Variants in LSAMP observed in about 807,000 individuals in gnomAD.
LSAMP encodes the protein limbic system associated membrane protein, also known as limbic system-associated membrane protein.
In LSAMP, 7 loss-of-function variants were observed where a neutral mutation model predicts 38.6. The observed-to-expected ratio is 0.18, with a 90% confidence interval of 0.10 to 0.34. The LOEUF (loss-of-function observed/expected upper bound fraction) is 0.34. Ranked by LOEUF, LSAMP falls within the 10% of genes least tolerant of loss-of-function variation. LSAMP has a pLI of 1.00. For synonymous variants in LSAMP, 154 were observed against 166.8 expected, an observed-to-expected ratio of 0.92 and a Z score of 0.59; for missense variants, 313 against 420.0, an observed-to-expected ratio of 0.75 and a Z score of 2.23.
At chr3:116,033,604 G>A (rs1241958671) in intron 2 of LSAMP, among the ~76,000 whole-genome samples, 1 of 152,062 alleles carries the variant, frequency 6.6e-6, no homozygotes, top group African/African-American at 2.4e-5. Context: ...CAGTCTCTCC[G>A]TAACATGCTG....
At chr3:116,420,635 C>T (rs996910787) in intron 1 of LSAMP, among the ~76,000 whole-genome samples, 10 of 151,428 alleles carry the variant, frequency 6.6e-5, no homozygotes, top group African/African-American at 9.7e-5. Context: ...GGGAGGGAGG[C>T]CAAGGTGGGC....
intron 1 of LSAMP, among the ~76,000 whole-genome samples, chr3:116,149,380 TC>T (rs1344325674): frequency 6.6e-6 from 1 of 151,958 alleles, no homozygotes; most frequent in Non-Finnish European, 1.5e-5. Context: ...AAGCATTTGT[TC>T]CTGACCATTA....
At chr3:115,877,078 G>T (rs1484872547) in intron 3 of LSAMP, among the ~76,000 whole-genome samples, 1 of 152,146 alleles carries the variant, frequency 6.6e-6, no homozygotes, top group Non-Finnish European at 1.5e-5. Flanking sequence ...AAAATCAACA[G>T]TTGCTTGCTC....
intron 3 of LSAMP, among the ~76,000 whole-genome samples, chr3:115,869,301 A>AGAGAGAGAGAGACT (rs1410947626): frequency 2.0e-5 from 3 of 151,452 alleles, no homozygotes; most frequent in African/African-American, 7.3e-5. Flanking sequence ...AGAGAGAGAG[A>AGAGAGAGAGAGACT]GACTGACTGA....
At chr3:115,921,950 A>G (rs1026157223) in intron 3 of LSAMP, among the ~76,000 whole-genome samples, 3 of 152,150 alleles carry the variant, frequency 2.0e-5, no homozygotes, top group East Asian at 3.8e-4. Context: ...TGTATGTGAT[A>G]TATTGCATTT....
intron 1 of LSAMP, among the ~76,000 whole-genome samples, chr3:116,413,948 C>G (rs1576205471): frequency 6.6e-6 from 1 of 150,846 alleles, no homozygotes; most frequent in Non-Finnish European, 1.5e-5. Flanking sequence ...TTTTTGCAAT[C>G]AGTCCTTTTT....
At chr3:115,873,284 A>G (rs1370208677) in intron 3 of LSAMP, among the ~76,000 whole-genome samples, 1 of 151,800 alleles carries the variant, frequency 6.6e-6, no homozygotes, top group Non-Finnish European at 1.5e-5. Flanking sequence ...TTGGGAGGTT[A>G]AGGCAGGGGA....
chr3:116,409,898 C>T (rs889023441), intron 1 of LSAMP, among the ~76,000 whole-genome samples: 100 of 152,022 alleles, frequency 6.6e-4, no homozygotes, highest in African/African-American at 2.4e-3. Flanking sequence ...ATTATTGGCA[C>T]GTTTAGAGCC....
intron 2 of LSAMP, among the ~76,000 whole-genome samples, chr3:116,051,924 T>A (rs1941403916): frequency 6.6e-6 from 1 of 152,212 alleles, no homozygotes; most frequent in African/African-American, 2.4e-5. Context: ...CACCACCAAC[T>A]GCTTCAGAAC....
At position 115,833,359 on chromosome 3, in the gene LSAMP, G is replaced by GTTTT. The variant is rs59072688; in HGVS notation, c.919+8482_919+8485dup. Among the ~76,000 whole-genome samples, 156 of 128,086 alleles carry GTTTT rather than the reference G, an allele frequency of 1.2e-3. 1 individual carries two copies. The highest frequency in any genetic ancestry group is 3.9e-3 in the African/African-American group (137 of 35,084). 84.0% of individuals were successfully genotyped at this position (128,086 alleles called of 152,430 possible). On this transcript the variant is annotated intron_variant, in intron 6 of 6. Coordinates refer to ENST00000490035, the MANE Select transcript of LSAMP (RefSeq NM_002338.5). ...AAACAGATTTCATTGTTTTAGGGAAGTTTTTTTTTTTTTTTTTTGCTATTC... is the reference window on the plus strand; with the variant it reads ...AAACAGATTTCATTGTTTTAGGGAAGTTTTTTTTTTTTTTTTTTTTTTGCTATTC...
intron 1 of LSAMP, among the ~76,000 whole-genome samples, chr3:116,233,592 C>A (rs931880801): frequency 2.0e-5 from 3 of 151,966 alleles, no homozygotes; most frequent in Non-Finnish European, 4.4e-5. Flanking sequence ...TATTTCTGCA[C>A]CTATTAACCA....
At chr3:116,347,649 G>A (rs955889147) in intron 1 of LSAMP, among the ~76,000 whole-genome samples, 5 of 152,034 alleles carry the variant, frequency 3.3e-5, no homozygotes, top group African/African-American at 1.2e-4. Flanking sequence ...AGAAATTGTA[G>A]GTAACGTGAC....
intron 1 of LSAMP, among the ~76,000 whole-genome samples, chr3:116,277,724 C>A (rs946619800): frequency 6.6e-6 from 1 of 152,160 alleles, no homozygotes; most frequent in Non-Finnish European, 1.5e-5. Flanking sequence ...AATCTGCCTA[C>A]CTATTTAAAT....
intron 1 of LSAMP, among the ~76,000 whole-genome samples, chr3:116,121,980 G>T (rs1473321268): frequency 2.0e-5 from 3 of 149,160 alleles, no homozygotes; most frequent in African/African-American, 4.9e-5. Context: ...ATGTCCCAGA[G>T]AAGCCAAAAG....
intron 1 of LSAMP, among the ~76,000 whole-genome samples, chr3:116,112,868 TG>T (rs1334222411): frequency 1.3e-5 from 2 of 152,254 alleles, no homozygotes; most frequent in African/African-American, 4.8e-5. Context: ...TGAATCTCAG[TG>T]TTGCAGACAT....
At chr3:116,138,736 C>T (rs2107512227) in intron 1 of LSAMP, among the ~76,000 whole-genome samples, 1 of 151,638 alleles carries the variant, frequency 6.6e-6, no homozygotes, top group Non-Finnish European at 1.5e-5. Flanking sequence ...TTCTTATTTT[C>T]TGTTTAATTT....
chr3:116,105,520 C>G (rs1039092956), intron 1 of LSAMP, among the ~76,000 whole-genome samples: 5 of 151,514 alleles, frequency 3.3e-5, no homozygotes, highest in African/African-American at 1.2e-4. Flanking sequence ...TGGAAAATTA[C>G]AGTCAAAGGG....
At chr3:115,957,353 A>T (rs899971679) in intron 3 of LSAMP, among the ~76,000 whole-genome samples, 1 of 152,158 alleles carries the variant, frequency 6.6e-6, no homozygotes, top group Non-Finnish European at 1.5e-5. Flanking sequence ...AACTCTTATA[A>T]GCACGTTGTG....
intron 3 of LSAMP, among the ~76,000 whole-genome samples, chr3:115,942,327 G>A (rs1937949890): frequency 1.3e-5 from 2 of 152,096 alleles, no homozygotes; most frequent in Non-Finnish European, 2.9e-5. Flanking sequence ...CCTTTTAAAA[G>A]TGCAAGTATT....
Sources: gnomAD v4.1 joint callset for allele counts (sites outside exome capture counted in the v4.1 genomes callset) on GRCh38, gnomAD v4.1.1 for gene constraint, MANE v1.5 for transcripts, NCBI Gene and HGNC (gene_info 2026-07-23, HGNC 2026-07-21) for gene names.